ANKRD36C: variants seen among roughly 807,000 people sequenced by gnomAD.
The protein encoded by ANKRD36C is ankyrin repeat domain-containing protein 36C.
In ANKRD36C, 61 loss-of-function variants were observed where a neutral mutation model predicts 276.4. That is an observed-to-expected ratio of 0.22 (90% confidence interval 0.18 to 0.27). The LOEUF (loss-of-function observed/expected upper bound fraction) is 0.27. Among genes scored for constraint, ANKRD36C ranks in the 10% least tolerant of loss-of-function variants. The probability of loss-of-function intolerance (pLI) is 1.00; values close to 1 mark genes in which losing one functional copy is unlikely to be tolerated. For synonymous variants in ANKRD36C, 483 were observed against 680.1 expected (o/e 0.71, Z 4.51); for missense variants, 1,447 against 2,032.3 (o/e 0.71, Z 5.54).
chr2:95,974,343 T>A (rs572889479), intron 6 of ANKRD36C, among the ~76,000 whole-genome samples: 3 of 152,194 alleles, frequency 2.0e-5, no homozygotes, highest in Non-Finnish European at 2.9e-5. Context: ...ATAAAGAAGT[T>A]TAGCATTAAA....
At chr2:95,865,668 T>C (rs1048263140) in intron 60 of ANKRD36C, among the ~76,000 whole-genome samples, 1 of 152,134 alleles carries the variant, frequency 6.6e-6, no homozygotes, top group East Asian at 1.9e-4. Context: ...ATACTTTTAA[T>C]AATTTGGGGC....
rs1189604139 is a variant in ANKRD36C at position 95,926,415 on chromosome 2, TATC to T, written c.1939+796_1939+798del. On this transcript the variant is annotated intron_variant, in intron 28 of 66. Coordinates refer to ENST00000456556, the Ensembl canonical transcript of ANKRD36C. The stretch of plus-strand genomic sequence containing the variant: ...CTTTCTAAAATAGTCTGGCATAAAA[TATC>T]ATGTTATTCTCTAAAGCATTTTCAT... Among the ~76,000 whole-genome samples the T allele has an allele frequency of 3.6e-4, 55 of 151,782 alleles. 2 individuals carry two copies. The East Asian group carries it at 4.5e-3, about 12-fold the overall frequency.
intron 4 of ANKRD36C, among the ~76,000 whole-genome samples, chr2:95,981,609 T>TTA (rs747427863): frequency 1.7e-3 from 256 of 147,544 alleles, no homozygotes; most frequent in Middle Eastern, 0.014. Context: ...CATTCTAACA[T>TTA]TATATATATA....
chr2:95,954,416 G>A (rs1433688192), intron 13 of ANKRD36C, among the ~76,000 whole-genome samples: 1 of 152,060 alleles, frequency 6.6e-6, no homozygotes, highest in African/African-American at 2.4e-5. Flanking sequence ...CTAAAACAAG[G>A]TAGAAAAGGC....
At chr2:95,855,228 A>T (rs1342475978) in intron 63 of ANKRD36C, 38 bp downstream of exon 83, 1 of 1,504,432 alleles carries the variant, frequency 6.6e-7, no homozygotes, top group Non-Finnish European at 8.9e-7. Flanking sequence ...ATTTTACTTC[A>T]GGAAGTTTGA....
intron 13 of ANKRD36C, among the ~76,000 whole-genome samples, chr2:95,955,568 A>C (rs1369928483): frequency 1.3e-5 from 2 of 152,020 alleles, no homozygotes; most frequent in Non-Finnish European, 2.9e-5. Context: ...TTCCATTCTT[A>C]TTCACTTTCA....
At chr2:95,880,391 T>A in intron 58 of ANKRD36C, 36 bp downstream of exon 78, 2 of 1,479,156 alleles carry the variant, frequency 1.4e-6, no homozygotes, top group Non-Finnish European at 1.8e-6. Context: ...ATTAATGTAC[T>A]TCTTTCCAGA....
chr2:95,961,827 T>C (rs1187852375), intron 8 of ANKRD36C, among the ~76,000 whole-genome samples: 1 of 151,932 alleles, frequency 6.6e-6, no homozygotes, highest in Non-Finnish European at 1.5e-5. Flanking sequence ...TCCCATCAGG[T>C]TTCTGCAGCA....
intron 22 of ANKRD36C, among the ~76,000 whole-genome samples, chr2:95,938,241 G>A (rs1677772269): frequency 6.6e-6 from 1 of 152,296 alleles, no homozygotes; most frequent in African/African-American, 2.4e-5. Context: ...AATAGTAGTA[G>A]AAGAAAATAT....
intron 10 of ANKRD36C, among the ~76,000 whole-genome samples, chr2:95,959,989 C>T (rs1265238353): frequency 5.3e-5 from 8 of 152,164 alleles, no homozygotes; most frequent in Non-Finnish European, 8.8e-5. Context: ...ACTTCTTTTC[C>T]CTTCTTCCTG....
At chr2:95,921,518 C>T (rs920151503) in intron 34 of ANKRD36C, 89 bp downstream of exon 34, 23 of 1,514,862 alleles carry the variant, frequency 1.5e-5, no homozygotes, top group Admixed American at 4.4e-5. Flanking sequence ...GGCGAGCCCC[C>T]CCACCTGCCC....
chr2:95,948,448 A>C, intron 17 of ANKRD36C, 82 bp downstream of exon 17: 1 of 1,384,268 alleles, frequency 7.2e-7, no homozygotes, highest in Non-Finnish European at 9.7e-7. Flanking sequence ...TGATAGGTAG[A>C]CAATTGCTAA....
At chr2:95,944,933 A>G (rs1677996771) in intron 18 of ANKRD36C, among the ~76,000 whole-genome samples, 181 bp downstream of exon 18, 1 of 152,294 alleles carries the variant, frequency 6.6e-6, no homozygotes, top group Non-Finnish European at 1.5e-5. Flanking sequence ...GCTACTCGGG[A>G]GGCTGAGGCA....
chr2:95,916,596 G>A (rs571937396), intron 36 of ANKRD36C, among the ~76,000 whole-genome samples: 1 of 151,592 alleles, frequency 6.6e-6, no homozygotes, highest in Non-Finnish European at 1.5e-5. Context: ...CATTCATCAT[G>A]CTCTTTAACT....
intron 3 of ANKRD36C, among the ~76,000 whole-genome samples, chr2:95,984,071 G>A (rs1170450033): frequency 1.3e-5 from 2 of 152,162 alleles, no homozygotes; most frequent in East Asian, 3.8e-4. Flanking sequence ...AAGATAAATA[G>A]TTTATAAAAC....
intron 10 of ANKRD36C, among the ~76,000 whole-genome samples, chr2:95,959,728 G>C (rs531965031): frequency 4.6e-5 from 7 of 152,310 alleles, no homozygotes; most frequent in African/African-American, 1.4e-4. Flanking sequence ...GAACAACAAA[G>C]CCAATGTATG....
rs528711870 is a variant in ANKRD36C at position 95,858,004 on chromosome 2, C to G, written c.3897-512G>C. Among the ~76,000 whole-genome samples, 1,347 of 150,210 alleles carry G rather than the reference C, an allele frequency of 9.0e-3. 10 individuals are homozygous for G. The highest frequency in any genetic ancestry group is 0.038 in the South Asian group (177 of 4,642). ...ATCCCAGGTCTTCAAATAAACTCAA[C>G]CAATTGTCAACCAGAAAATGTTTAA... On this transcript the variant is annotated intron_variant, in intron 61 of 66. Coordinates refer to ENST00000456556, the Ensembl canonical transcript of ANKRD36C.
At chr2:95,942,868 C>T (rs201898264) in intron 19 of ANKRD36C, among the ~76,000 whole-genome samples, 4 of 147,038 alleles carry the variant, frequency 2.7e-5, no homozygotes, top group Admixed American at 1.4e-4. Context: ...GTTAATAATG[C>T]TTCCAGAGAA....
At chr2:95,985,227 T>G (rs887412306) in intron 3 of ANKRD36C, among the ~76,000 whole-genome samples, 7 of 152,334 alleles carry the variant, frequency 4.6e-5, no homozygotes, top group African/African-American at 1.7e-4. Context: ...TGATAGATAC[T>G]GCAAATAATA....
Sources: allele counts gnomAD v4.1 joint callset (sites outside exome capture counted in the v4.1 genomes callset), GRCh38; gene constraint gnomAD v4.1.1; transcripts MANE v1.5; gene names NCBI Gene and HGNC (gene_info 2026-07-23, HGNC 2026-07-21).